Variants in ATP8B4 observed in about 807,000 individuals in gnomAD.
The protein encoded by ATP8B4 is ATPase phospholipid transporting 8B4 (putative).
ATP8B4 carries 133 observed loss-of-function variants against 145.6 expected under a neutral mutation model. The observed-to-expected ratio is 0.91, with a 90% confidence interval of 0.79 to 1.05. The LOEUF (loss-of-function observed/expected upper bound fraction) is 1.05, where lower values mean the gene tolerates loss of function less well. Among genes scored for constraint, ATP8B4 ranks in the 50% least tolerant of loss-of-function variants. The probability of loss-of-function intolerance (pLI) is 0.00; values close to 1 mark genes in which losing one functional copy is unlikely to be tolerated. For missense variants in ATP8B4, 1,458 were observed against 1,425.2 expected (o/e 1.02, Z -0.37); for synonymous variants, 507 against 492.9 (o/e 1.03, Z -0.38).
At chr15:49,992,046 G>A (rs1405862225) in intron 9 of ATP8B4, among the ~76,000 whole-genome samples, 2 of 152,092 alleles carry the variant, frequency 1.3e-5, no homozygotes, top group Non-Finnish European at 1.5e-5. Flanking sequence ...GAAGTCCAGG[G>A]TTCATAGTCT....
At chr15:50,090,122 A>G (rs2055506023) in intron 2 of ATP8B4, among the ~76,000 whole-genome samples, 2 of 152,178 alleles carry the variant, frequency 1.3e-5, no homozygotes, top group South Asian at 2.1e-4. Context: ...ACAAAGAACC[A>G]AACATCGCAT....
In ATP8B4 at chr15:49,883,842, A is replaced by T. The variant is rs555553490; in HGVS notation, c.2698-4383T>A. On this transcript the variant is annotated intron_variant, in intron 23 of 27. Coordinates refer to ENST00000284509, the MANE Select transcript of ATP8B4 (RefSeq NM_024837.4). ...AAAGGTTTTCCAAGTATAGTTCAGA[A>T]CCTTTTAGGGGATCCATAATGTCAA... 3.2e-4 allele frequency among the ~76,000 whole-genome samples: 49 copies of T among 152,204 alleles called. No homozygotes were observed. The South Asian group carries it at 9.8e-3, about 30-fold the overall frequency.
intron 10 of ATP8B4, among the ~76,000 whole-genome samples, chr15:49,986,371 T>C (rs571323114): frequency 6.6e-6 from 1 of 152,348 alleles, no homozygotes; most frequent in African/African-American, 2.4e-5. Flanking sequence ...AGCCTAGCTC[T>C]CTTTTTCTCT....
At chr15:49,965,473 G>T (rs12442538) in intron 13 of ATP8B4, among the ~76,000 whole-genome samples, 52,968 of 152,020 alleles carry the variant, frequency 0.35, 11,216 homozygotes, top group Non-Finnish European at 0.45. Flanking sequence ...GTTCCGCAGA[G>T]CCTCTGTGCT....
Position 49,862,442 on chromosome 15 carries a change from C to A in ATP8B4, c.3167-67G>T, listed in dbSNP as rs2032002306. 55 of 1,479,092 alleles carry A rather than the reference C, an allele frequency of 3.7e-5. 1 individual carries two copies. Among genetic ancestry groups the A allele is most frequent in the South Asian group, 1.5e-4 (12 of 80,772 alleles). 91.6% of individuals were successfully genotyped at this position (1,479,092 alleles called of 1,614,324 possible). A position where few individuals can be genotyped will look rare whatever the true frequency, so the allele number is the denominator to read the frequency against. The stretch of plus-strand genomic sequence containing the variant: ...GGACTGAATTATTAATTAATAGGTT[C>A]TTTGTTCCTACAAGATCTTTTTTTT... On this transcript the variant is annotated intron_variant, in intron 26 of 27. Coordinates refer to ENST00000284509, the MANE Select transcript of ATP8B4 (RefSeq NM_024837.4).
At chr15:49,895,890 G>C (rs1304929039) in intron 23 of ATP8B4, 2 of 152,200 alleles carry the variant, frequency 1.3e-5, no homozygotes, top group African/African-American at 4.8e-5. Flanking sequence ...TGTGTTCTAA[G>C]AGTTTTTAAA....
At chr15:49,947,979 T>C (rs1158849171) in intron 14 of ATP8B4, among the ~76,000 whole-genome samples, 2 of 151,998 alleles carry the variant, frequency 1.3e-5, no homozygotes, top group Non-Finnish European at 2.9e-5. Context: ...TTAAAATACA[T>C]TGAAAATTGA....
intron 2 of ATP8B4, among the ~76,000 whole-genome samples, chr15:50,085,576 A>G (rs1005844559): frequency 1.3e-5 from 2 of 152,056 alleles, no homozygotes; most frequent in African/African-American, 2.4e-5. Context: ...ACCTGGCACT[A>G]GAAGTGTATG....
At chr15:50,072,904 T>TGAGTCACTG (rs904864360) in intron 3 of ATP8B4, among the ~76,000 whole-genome samples, 1 of 136,828 alleles carries the variant, frequency 7.3e-6, no homozygotes, top group Non-Finnish European at 1.6e-5. Context: ...ACTACAGGCA[T>TGAGTCACTG]GAGTCACTGT....
chr15:49,934,656 G>T (rs568236492), intron 14 of ATP8B4, among the ~76,000 whole-genome samples: 2 of 151,976 alleles, frequency 1.3e-5, no homozygotes, highest in African/African-American at 4.8e-5. Context: ...TTGATTACAG[G>T]TACTTTCTCA....
At chr15:49,862,459 C>A (rs955519110) in intron 26 of ATP8B4, 84 bp from the exon 27 acceptor site, 9 of 1,144,496 alleles carry the variant, frequency 7.9e-6, no homozygotes, top group Non-Finnish European at 1.1e-5. Context: ...CCTACAAGAT[C>A]TTTTTTTTTT....
chr15:49,903,362 G>A (rs1282759787), intron 20 of ATP8B4, among the ~76,000 whole-genome samples: 1 of 152,186 alleles, frequency 6.6e-6, no homozygotes, highest in Non-Finnish European at 1.5e-5. Flanking sequence ...AAACAAAAGA[G>A]TGCCTGTTTT....
chr15:50,115,888 C>T (rs761562124), intron 1 of ATP8B4, among the ~76,000 whole-genome samples: 2 of 152,158 alleles, frequency 1.3e-5, no homozygotes, highest in Non-Finnish European at 2.9e-5. Flanking sequence ...GTTGCTCCTG[C>T]AGGTTGCGGG....
At chr15:50,034,755 C>G (rs1214401478) in intron 6 of ATP8B4, among the ~76,000 whole-genome samples, 2 of 152,102 alleles carry the variant, frequency 1.3e-5, no homozygotes, top group African/African-American at 2.4e-5. Context: ...AATGTGATGT[C>G]CAGTTTGAGG....
intron 20 of ATP8B4, among the ~76,000 whole-genome samples, chr15:49,908,321 A>G (rs1435598743): frequency 6.6e-6 from 1 of 152,242 alleles, no homozygotes; most frequent in Non-Finnish European, 1.5e-5. Context: ...GCACCAAGAT[A>G]GAGAGTAGAT....
chr15:50,063,723 T>C (rs932263974), intron 3 of ATP8B4, among the ~76,000 whole-genome samples: 9 of 152,102 alleles, frequency 5.9e-5, no homozygotes, highest in Admixed American at 3.3e-4. Flanking sequence ...AGGAACCCAC[T>C]TGAAGAAGTT....
chr15:50,003,274 ATGTG>A (rs10539979), intron 7 of ATP8B4, among the ~76,000 whole-genome samples: 1,460 of 141,162 alleles, frequency 0.01, 26 homozygotes, highest in African/African-American at 0.032. Flanking sequence ...TAGGGTGTGC[ATGTG>A]TGTGTGTGTG....
At position 49,862,260 on chromosome 15, in the gene ATP8B4, T is replaced by G; in HGVS notation, c.3282A>C (p.Pro1094=). 6.2e-7 allele frequency: 1 copy of G among 1,613,574 alleles called. No homozygotes were observed. Among genetic ancestry groups the G allele is most frequent in the Non-Finnish European group, 8.5e-7 (1 of 1,179,632 alleles). ...TGTGACATACCTGATCACTCAGGGT[T>G]GGGTATAAATCCACCTTCAAAAATC... ...AFRFLKVDLY[P]TLSDQIRRWQ... is the part of the protein sequence containing the mutation. The change falls in exon 27 of 28, where the codon CCA becomes CCC. Residue 1094 remains proline (P), a synonymous_variant. Coordinates refer to ENST00000284509, the MANE Select transcript of ATP8B4 (RefSeq NM_024837.4).
At chr15:49,923,912 C>G (rs1267416335) in intron 16 of ATP8B4, among the ~76,000 whole-genome samples, 1 of 152,138 alleles carries the variant, frequency 6.6e-6, no homozygotes, top group Non-Finnish European at 1.5e-5. Flanking sequence ...GCTAAATCAT[C>G]TCCATATGCA....
Sources: gnomAD v4.1 joint callset for allele counts (sites outside exome capture counted in the v4.1 genomes callset) on GRCh38, gnomAD v4.1.1 for gene constraint, MANE v1.5 for transcripts, NCBI Gene and HGNC (gene_info 2026-07-23, HGNC 2026-07-21) for gene names.